The following MTFR1 variants were observed in gnomAD, a reference collection of about 807,000 sequenced individuals.
MTFR1 encodes mitochondrial fission regulator 1.
MTFR1 carries 28 observed loss-of-function variants against 38.8 expected under a neutral mutation model. The ratio of observed to expected loss-of-function variants is 0.72; its 90% CI spans 0.53 to 0.99. The LOEUF (loss-of-function observed/expected upper bound fraction) is 0.99, where lower values mean the gene tolerates loss of function less well. Among genes scored for constraint, MTFR1 ranks in the 50% least tolerant of loss-of-function variants. MTFR1 has a pLI of 0.00. For synonymous variants in MTFR1, 145 were observed against 137.0 expected (o/e 1.06, Z -0.41); for missense variants, 358 against 395.5 (o/e 0.91, Z 0.81).
intron 3 of MTFR1, among the ~76,000 whole-genome samples, chr8:65,744,347 TA>T (rs1242076765): frequency 6.6e-6 from 1 of 152,136 alleles, no homozygotes; most frequent in Non-Finnish European, 1.5e-5. Flanking sequence ...AAAAATATAC[TA>T]AAAGGTAGAA....
At chr8:65,715,362 C>G (rs982833154), downstream of MTFR1, among the ~76,000 whole-genome samples, 2 of 151,610 alleles carry the variant, frequency 1.3e-5, no homozygotes, top group South Asian at 2.1e-4. Context: ...AAAGAGAGAC[C>G]CTGTCTCTAT....
chr8:65,718,137 C>T (rs1246555595), intron 2 of MTFR1: 2 of 152,234 alleles, frequency 1.3e-5, no homozygotes, highest in Non-Finnish European at 2.9e-5. Context: ...CTGGAGCAAT[C>T]TGTTACAGCT....
At chr8:65,708,173 A>G (rs1478807323) in intron 7 of MTFR1, 162 bp downstream of exon 7, 3 of 1,377,386 alleles carry the variant, frequency 2.2e-6, no homozygotes, top group Non-Finnish European at 3.0e-6. Context: ...CTGGTTGGGA[A>G]AAGGATGACA....
intron 2 of MTFR1, among the ~76,000 whole-genome samples, chr8:65,677,401 T>TTTG (rs1804744679): frequency 9.4e-5 from 14 of 148,978 alleles, no homozygotes; most frequent in Admixed American, 9.3e-4. Context: ...TTTTTTTTTT[T>TTTG]TGAGACGGAG....
At chr8:65,647,682 G>A (rs1808997952) in intron 1 of MTFR1, among the ~76,000 whole-genome samples, 1 of 152,154 alleles carries the variant, frequency 6.6e-6, no homozygotes, top group African/African-American at 2.4e-5. Flanking sequence ...CTGGTGATGA[G>A]TTGGTGATGA....
At chr8:65,696,743 C>T (rs1231295766) in intron 4 of MTFR1, among the ~76,000 whole-genome samples, 1 of 151,836 alleles carries the variant, frequency 6.6e-6, no homozygotes, top group African/African-American at 2.4e-5. Flanking sequence ...TTACTGCAAC[C>T]TCCGCCTCCT....
Position 65,646,277 on chromosome 8 carries a change from GA to G in MTFR1, c.-81+1495del, listed in dbSNP as rs1808963293. Among the ~76,000 whole-genome samples, 4 of 152,292 alleles carry G rather than the reference GA, an allele frequency of 2.6e-5. No homozygotes were observed. The South Asian group carries it at 8.3e-4, about 32-fold the overall frequency. On this transcript the variant is annotated intron_variant, in intron 1 of 7. Transcript: ENST00000262146. The stretch of plus-strand genomic sequence containing the variant: ...AATTTGGAGAGGTCACAATTTACCT[GA>G]AGTCACACTGCTGAAAGGATGGGGG...
chr8:65,770,120 TCTGTGTGTG>T (rs1487201730), intron 3 of MTFR1, among the ~76,000 whole-genome samples: 1 of 112,584 alleles, frequency 8.9e-6, no homozygotes, highest in African/African-American at 4.2e-5. Context: ...GCAGTATACT[TCTGTGTGTG>T]TGTGTGTGTG....
At chr8:65,734,730 T>C (rs1807050744) in intron 3 of MTFR1, 2 of 889,684 alleles carry the variant, frequency 2.2e-6, no homozygotes, top group African/African-American at 1.6e-5. Context: ...AGGAGAAGTA[T>C]GTGAAAGTAA....
intron 1 of MTFR1, among the ~76,000 whole-genome samples, chr8:65,659,668 G>A (rs1398464615): frequency 1.3e-5 from 2 of 152,158 alleles, no homozygotes; most frequent in Non-Finnish European, 2.9e-5. Context: ...CAGGAAGCGG[G>A]TAGGCTGTTT....
chr8:65,644,150 G>A (rs1808885787), upstream of MTFR1, among the ~76,000 whole-genome samples: 1 of 152,204 alleles, frequency 6.6e-6, no homozygotes, highest in Non-Finnish European at 1.5e-5. Flanking sequence ...AATCCAGAGT[G>A]TCCTAGAGTA....
rs756298084 is a variant in MTFR1 at position 65,704,730 on chromosome 8, C to A, written c.318C>A (p.Asp106Glu). The A allele has an allele frequency of 6.8e-6, 11 of 1,613,998 alleles. No individual in the cohort carries two copies. In the Admixed American group the frequency reaches 1.2e-4, roughly 17 times the overall value. ...GATCAAGGCCACCCCTTCAGGATGA[C>A]CTTCTTTTCTTTGAGAAGGCCCCAA... ...EVRSRPPLQD[D>E]LLFFEKAPSR... is the part of the protein sequence containing the mutation. Residue 106 changes from aspartate (D) to glutamate (E), a missense_variant, in exon 5 of 8, where the codon GAC becomes GAA. Physicochemically the swap from Asp to Glu is conservative, Grantham distance 45 (BLOSUM62 2). Coordinates refer to ENST00000262146, the MANE Select transcript of MTFR1 (RefSeq NM_014637.4).
Position 65,708,957 on chromosome 8 carries a change from A to G in MTFR1, c.934-19A>G, listed in dbSNP as rs749291561. 1.4e-5 allele frequency: 23 copies of G among 1,611,936 alleles called. 1 individual carries two copies. The South Asian group carries it at 2.5e-4, about 18-fold the overall frequency. On this transcript the variant is annotated intron_variant, in intron 7 of 7. Coordinates refer to ENST00000262146, the MANE Select transcript of MTFR1 (RefSeq NM_014637.4). Reference sequence around the variant, plus strand: ...TACTTGAACCAATATCTTTATTTATACTTTTTGTTTGTTTCTAGTTTGGGC... The same window carrying G: ...TACTTGAACCAATATCTTTATTTATGCTTTTTGTTTGTTTCTAGTTTGGGC...
At chr8:65,725,061 C>CA in intron 3 of MTFR1, 5 of 473,854 alleles carry the variant, frequency 1.1e-5, no homozygotes, top group South Asian at 1.3e-4. Context: ...ATTTATCACA[C>CA]AAAAAATGAG....
downstream of MTFR1, chr8:65,714,358 T>C (rs1460807265): frequency 6.6e-6 from 1 of 151,986 alleles, no homozygotes; most frequent in Admixed American, 6.6e-5. Flanking sequence ...AAACGTTTAT[T>C]AATGGCCCAA....
intron 7 of MTFR1, 82 bp from the exon 8 acceptor site, chr8:65,708,894 T>TA: frequency 7.3e-7 from 1 of 1,362,602 alleles, no homozygotes; most frequent in Non-Finnish European, 1.0e-6. Context: ...CCCAGCCCTC[T>TA]AATCCATGAT....
intron 1 of MTFR1, among the ~76,000 whole-genome samples, chr8:65,647,806 C>A (rs1486887396): frequency 2.0e-5 from 3 of 150,448 alleles, no homozygotes; most frequent in Non-Finnish European, 1.5e-5. Flanking sequence ...AGATAAGCAA[C>A]AAAAAAAAAA....
chr8:65,713,169 C>T (rs148346894), downstream of MTFR1, among the ~76,000 whole-genome samples: 930 of 152,192 alleles, frequency 6.1e-3, 10 homozygotes, highest in African/African-American at 0.022. Context: ...GGCCGAGTGC[C>T]GTGGCTCACG....
chr8:65,726,846 C>A, intron 3 of MTFR1: 2 of 1,220,454 alleles, frequency 1.6e-6, no homozygotes, highest in South Asian at 1.3e-5. Flanking sequence ...TAACCAGTAA[C>A]AAATTAAATT....
Sources: gnomAD v4.1 joint callset for allele counts (sites outside exome capture counted in the v4.1 genomes callset) on GRCh38, gnomAD v4.1.1 for gene constraint, MANE v1.5 for transcripts, NCBI Gene and HGNC (gene_info 2026-07-23, HGNC 2026-07-21) for gene names.